PTPN2: variants seen among roughly 807,000 people sequenced by gnomAD.
PTPN2 encodes tyrosine-protein phosphatase non-receptor type 2.
Under a neutral mutation model 57.3 loss-of-function variants are expected in PTPN2, and 19 were observed. That is an observed-to-expected ratio of 0.33 (90% CI 0.23 to 0.49). PTPN2 has a LOEUF of 0.49. PTPN2 is among the 20% of genes least tolerant of loss of function. PTPN2 has a pLI of 0.99. For missense variants in PTPN2, 358 were observed against 501.1 expected (o/e 0.71, Z 2.73); for synonymous variants, 153 against 164.9 (o/e 0.93, Z 0.55).
chr18:12,883,977 G>C, intron 1 of PTPN2, 96 bp downstream of exon 1: 1 of 1,145,406 alleles, frequency 8.7e-7, no homozygotes, highest in South Asian at 1.5e-5. Context: ...AGAGGCTAGA[G>C]GCGAGAGGCG....
chr18:12,825,785 C>T (rs756578635), intron 5 of PTPN2, 25 bp downstream of exon 5: 1 of 1,587,982 alleles, frequency 6.3e-7, no homozygotes, highest in East Asian at 2.2e-5. Context: ...ATAAAGTCCA[C>T]AATTTCGGGC....
At chr18:12,849,288 G>A (rs965195839) in intron 2 of PTPN2, among the ~76,000 whole-genome samples, 3 of 152,236 alleles carry the variant, frequency 2.0e-5, no homozygotes, top group African/African-American at 7.2e-5. Flanking sequence ...GCCGGGTGCA[G>A]AAGCTCACGC....
chr18:12,830,587 G>A (rs1341575746), intron 4 of PTPN2, among the ~76,000 whole-genome samples: 2 of 152,132 alleles, frequency 1.3e-5, no homozygotes, highest in African/African-American at 4.8e-5. Flanking sequence ...ATTATGAAAT[G>A]TAGAATAAAG....
intron 6 of PTPN2, among the ~76,000 whole-genome samples, chr18:12,816,261 T>C (rs3786156): frequency 0.29 from 44,411 of 152,014 alleles, 6,966 homozygotes; most frequent in South Asian, 0.48. Context: ...GATTGCACCA[T>C]TGTACTCCAG....
chr18:12,878,677 A>G (rs2044573353), intron 1 of PTPN2, among the ~76,000 whole-genome samples: 1 of 152,186 alleles, frequency 6.6e-6, no homozygotes, highest in South Asian at 2.1e-4. Context: ...GTTTCAAAAA[A>G]AGAAAAATGA....
intron 1 of PTPN2, among the ~76,000 whole-genome samples, chr18:12,859,966 A>C (rs148766395): frequency 6.6e-6 from 1 of 152,022 alleles, no homozygotes; most frequent in East Asian, 1.9e-4. Flanking sequence ...GAGCCTGGCC[A>C]ACATTGTGAA....
chr18:12,883,686 G>C (rs1011024307), intron 1 of PTPN2: 1 of 172,284 alleles, frequency 5.8e-6, no homozygotes, highest in African/African-American at 2.4e-5. Context: ...CGGCGTGGGA[G>C]CTACGGCGAA....
intron 1 of PTPN2, among the ~76,000 whole-genome samples, chr18:12,868,622 A>G (rs2044077444): frequency 6.7e-6 from 1 of 150,060 alleles, no homozygotes; most frequent in Non-Finnish European, 1.5e-5. Flanking sequence ...ATGCCTAACA[A>G]CTCTTTCTTT....
At position 12,818,079 on chromosome 18, in the gene PTPN2, T is replaced by C. The variant is rs546203900; in HGVS notation, c.496-714A>G. On this transcript the variant is annotated intron_variant, in intron 5 of 8. Transcript: ENST00000309660. ...ATTGCTTGAACCTGGGAGGTGGAGG[T>C]TGCAGTGAGCAGAGATCGTGCCATT... 5.3e-4 allele frequency among the ~76,000 whole-genome samples: 80 copies of C among 152,000 alleles called. No homozygotes were observed. The South Asian group carries it at 0.013, about 25-fold the overall frequency.
intron 2 of PTPN2, among the ~76,000 whole-genome samples, chr18:12,851,140 G>T (rs757935508): frequency 7.2e-5 from 11 of 152,042 alleles, no homozygotes; most frequent in Non-Finnish European, 1.5e-4. Flanking sequence ...TTTTCTAATT[G>T]CTGGATATAG....
At chr18:12,814,021 G>A (rs2041982157) in intron 7 of PTPN2, among the ~76,000 whole-genome samples, 182 bp downstream of exon 7, 1 of 152,196 alleles carries the variant, frequency 6.6e-6, no homozygotes. Flanking sequence ...GATTTAACCT[G>A]AGGCTGAGTA....
intron 2 of PTPN2, among the ~76,000 whole-genome samples, chr18:12,858,487 T>C (rs1285600811): frequency 6.6e-6 from 1 of 152,110 alleles, no homozygotes; most frequent in Non-Finnish European, 1.5e-5. Context: ...AATCTAAATG[T>C]CCAACAACAG....
intron 1 of PTPN2, among the ~76,000 whole-genome samples, chr18:12,879,006 C>G (rs1159072240): frequency 6.6e-6 from 1 of 152,190 alleles, no homozygotes; most frequent in Non-Finnish European, 1.5e-5. Flanking sequence ...TTTCTCAAAG[C>G]TCAGCCTGAT....
At position 12,839,304 on chromosome 18, in the gene PTPN2, T is replaced by C. The variant is rs150457091; in HGVS notation, c.161-2413A>G. Among the ~76,000 whole-genome samples, 158 of 152,308 alleles carry C rather than the reference T, an allele frequency of 1.0e-3. 2 individuals carry two copies. The East Asian group carries it at 0.027, about 26-fold the overall frequency. On this transcript the variant is annotated intron_variant, in intron 2 of 8. Coordinates refer to ENST00000309660, the MANE Select transcript of PTPN2 (RefSeq NM_002828.4). Reference sequence around the variant, plus strand: ...ACCTGAGTCACAGGTCTCTTTTCCCTGCCCAGATACTATCAGTCAGCCCCA... The same window carrying C: ...ACCTGAGTCACAGGTCTCTTTTCCCCGCCCAGATACTATCAGTCAGCCCCA...
intron 2 of PTPN2, among the ~76,000 whole-genome samples, chr18:12,840,394 G>A (rs1179887843): frequency 6.6e-6 from 1 of 152,182 alleles, no homozygotes; most frequent in Non-Finnish European, 1.5e-5. Flanking sequence ...CATATTAATG[G>A]AGAATACAAA....
intron 1 of PTPN2, among the ~76,000 whole-genome samples, chr18:12,864,382 T>C (rs2043921845): frequency 6.6e-6 from 1 of 151,844 alleles, no homozygotes; most frequent in African/African-American, 2.4e-5. Context: ...AGATTTTAAA[T>C]TGTAAACATA....
In PTPN2 at chr18:12,870,352, T is replaced by C. The variant is rs12959436; in HGVS notation, c.70-11098A>G. On this transcript the variant is annotated intron_variant, in intron 1 of 8. Coordinates refer to ENST00000309660, the MANE Select transcript of PTPN2 (RefSeq NM_002828.4). ...ATATGTATATATATACATATATATG[T>C]GTATATATATGTGTATATATACATA... 8.5e-3 allele frequency among the ~76,000 whole-genome samples: 277 copies of C among 32,574 alleles called. 15 individuals are homozygous for C. The highest frequency in any genetic ancestry group is 0.011 in the East Asian group (6 of 524). 21.4% of individuals were successfully genotyped at this position (32,574 alleles called of 152,430 possible).
rs2042425663 is a variant in PTPN2, at chr18:12,825,683, T to G, written c.495+127A>C. On this transcript the variant is annotated intron_variant, in intron 5 of 8. Coordinates refer to ENST00000309660, the MANE Select transcript of PTPN2 (RefSeq NM_002828.4). ...TGCAGACACACAATCTAAAAACACG[T>G]GATTATGGCTAGATACTATAGGAAT... The G allele has an allele frequency of 5.0e-6, 4 of 804,644 alleles. No individual in the cohort carries two copies. In the South Asian group the frequency reaches 1.4e-4, roughly 27 times the overall value. The allele number at this position is 804,644 out of a possible 1,614,324, so 49.8% of individuals were successfully genotyped here.
chr18:12,818,294 G>A (rs1036856725), intron 5 of PTPN2, among the ~76,000 whole-genome samples: 16 of 152,276 alleles, frequency 1.1e-4, no homozygotes, highest in African/African-American at 3.9e-4. Context: ...AGCAACTCAA[G>A]AATTAATCTA....
Sources: gnomAD v4.1 joint callset for allele counts (sites outside exome capture counted in the v4.1 genomes callset) on GRCh38, gnomAD v4.1.1 for gene constraint, MANE v1.5 for transcripts, NCBI Gene and HGNC (gene_info 2026-07-23, HGNC 2026-07-21) for gene names.